Variants in CFAP69 observed in about 807,000 individuals in gnomAD.
CFAP69 encodes cilia- and flagella-associated protein 69.
CFAP69 carries 92 observed loss-of-function variants against 123.0 expected under a neutral mutation model. The ratio of observed to expected loss-of-function variants is 0.75; its 90% confidence interval spans 0.63 to 0.89. The LOEUF (loss-of-function observed/expected upper bound fraction) is 0.89, where lower values mean the gene tolerates loss of function less well. Among genes scored for constraint, CFAP69 ranks in the 40% least tolerant of loss-of-function variants. The pLI, the probability that CFAP69 is intolerant of heterozygous loss-of-function variation, is 0.00. For missense variants in CFAP69, 1,067 were observed against 1,096.9 expected (o/e 0.97, Z 0.39); for synonymous variants, 380 against 364.3 (o/e 1.04, Z -0.49).
At chr7:90,257,956 C>A in intron 2 of CFAP69, 142 bp from the exon 3 acceptor site, 50 of 560,890 alleles carry the variant, frequency 8.9e-5, no homozygotes, top group Middle Eastern at 4.9e-4. Context: ...TTTCAGAAAA[C>A]ATTTTATAAC....
intron 9 of CFAP69, among the ~76,000 whole-genome samples, chr7:90,276,424 G>A (rs1001214745): frequency 2.0e-5 from 3 of 152,128 alleles, no homozygotes; most frequent in Admixed American, 1.3e-4. Context: ...AGCATCTAAA[G>A]AAACCATATA....
rs1327568862 is a variant in CFAP69 at position 90,300,068 on chromosome 7, A to G, written c.2050+9A>G. ...AAATGGGAAGATCATTGGTGAGTAT[A>G]TTTATAATTGTTAGTAGAAGCAATT... On this transcript the variant is annotated intron_variant, in intron 17 of 22. Coordinates refer to ENST00000389297, the MANE Select transcript of CFAP69 (RefSeq NM_001039706.3). 1.3e-6 allele frequency: 2 copies of G among 1,541,176 alleles called. No individual in the cohort carries two copies. Among genetic ancestry groups the G allele is most frequent in the African/African-American group, 1.4e-5 (1 of 71,544 alleles).
chr7:90,277,305 A>T lies in CFAP69; in HGVS notation c.1126A>T (p.Ile376Phe). Residue 376 changes from isoleucine to phenylalanine, a missense_variant, in exon 11 of 23, where the codon ATC becomes TTC. By Grantham distance (21) the Ile-to-Phe change is conservative (BLOSUM62 0). Transcript: ENST00000389297. ...GAAATTACTATTCAACGTAATTGTG[A>T]TCTTATGTAAAGATTTACCTACTGT... ...LKKLLFNVIVILCKDLPTVQL... is the reference protein window; with the variant it reads ...LKKLLFNVIVFLCKDLPTVQL... 1 of 1,579,282 alleles carries T rather than the reference A, an allele frequency of 6.3e-7. No homozygotes were observed. The highest frequency in any genetic ancestry group is 8.6e-7 in the Non-Finnish European group (1 of 1,165,720).
At chr7:90,259,805 A>G (rs992596374) in intron 3 of CFAP69, among the ~76,000 whole-genome samples, 1 of 152,032 alleles carries the variant, frequency 6.6e-6, no homozygotes, top group South Asian at 2.1e-4. Context: ...TAACATTTAC[A>G]TATATATGCT....
At chr7:90,259,746 A>G (rs547736337) in intron 3 of CFAP69, among the ~76,000 whole-genome samples, 2 of 152,228 alleles carry the variant, frequency 1.3e-5, no homozygotes, top group East Asian at 1.9e-4. Flanking sequence ...TCGGCCTCCC[A>G]AAGTGCTGGG....
At chr7:90,308,751 C>A (rs887238668) in intron 21 of CFAP69, among the ~76,000 whole-genome samples, 2 of 152,088 alleles carry the variant, frequency 1.3e-5, no homozygotes, top group Admixed American at 6.5e-5. Flanking sequence ...TCCTGCAGGT[C>A]ATTTATTACT....
chr7:90,265,315 A>G lies in CFAP69; in HGVS notation c.371A>G (p.Lys124Arg), dbSNP rs375428353. ...TCTTATTGAAGCTTGCCATTTTTGA[A>G]AAAGAAAGTGTCGGATGAAATAACT... Reference protein sequence around the residue: ...IIKLCGLPFLKKKVSDEITYA... With the variant: ...IIKLCGLPFLRKKVSDEITYA... Residue 124 changes from lysine to arginine, a missense_variant, in exon 5 of 23, where the codon AAA becomes AGA. By Grantham distance (26) the Lys-to-Arg change is conservative. Coordinates refer to ENST00000389297, the MANE Select transcript of CFAP69 (RefSeq NM_001039706.3). 2.7e-5 allele frequency: 43 copies of G among 1,610,076 alleles called. No individual in the cohort carries two copies. The highest frequency in any genetic ancestry group is 3.6e-5 in the Non-Finnish European group (42 of 1,177,646).
At chr7:90,289,553 A>G (rs757216043) in intron 15 of CFAP69, among the ~76,000 whole-genome samples, 13 of 152,076 alleles carry the variant, frequency 8.5e-5, no homozygotes, top group Non-Finnish European at 1.6e-4. Context: ...TTTGTCAAAT[A>G]TATTCTGCCA....
chr7:90,266,729 T>C (rs1307982074), intron 5 of CFAP69, among the ~76,000 whole-genome samples: 2 of 152,168 alleles, frequency 1.3e-5, no homozygotes, highest in Non-Finnish European at 2.9e-5. Flanking sequence ...AGTACTGCTC[T>C]TCTGTTTCTT....
chr7:90,304,946 G>T, intron 19 of CFAP69, 126 bp downstream of exon 19: 1 of 698,634 alleles, frequency 1.4e-6, no homozygotes, highest in Non-Finnish European at 2.2e-6. Flanking sequence ...TTTTCATTTT[G>T]CATCTGATGC....
intron 1 of CFAP69, 41 bp from the exon 2 acceptor site, chr7:90,255,382 T>C (rs1179118234): frequency 1.3e-6 from 2 of 1,493,580 alleles, no homozygotes; most frequent in Non-Finnish European, 1.9e-6. Context: ...CTTATTGATA[T>C]AGAAGATGAT....
intron 20 of CFAP69, 28 bp from the exon 21 acceptor site, chr7:90,307,740 T>G (rs752146491): frequency 2.7e-6 from 4 of 1,483,494 alleles, no homozygotes; most frequent in Non-Finnish European, 3.7e-6. Context: ...AAAAAGAAAC[T>G]GAAACTTAAT....
At chr7:90,300,644 CT>C (rs988514800) in intron 17 of CFAP69, 29 of 81,206 alleles carry the variant, frequency 3.6e-4, no homozygotes, top group Non-Finnish European at 5.6e-4. Context: ...ACATTTTTTT[CT>C]TTTTTTTTTC....
Position 90,268,342 on chromosome 7 carries a change from G to A in CFAP69, c.490G>A (p.Val164Ile), listed in dbSNP as rs776348740. The change falls in exon 6 of 23, where the codon GTT becomes ATT. Residue 164 changes from valine (V) to isoleucine (I), a missense_variant. Transcript: ENST00000389297. ...GAGGATACAAATTTGTAAGTGTATT[G>A]TTGATTTTTATCATGCAGAACCACC... ...ELRIQICKCI[V>I]DFYHAEPPKK... 33 of 1,610,332 alleles carry A rather than the reference G, an allele frequency of 2.0e-5. No individual in the cohort carries two copies. In the Middle Eastern group the frequency reaches 6.6e-4, roughly 32 times the overall value.
At chr7:90,292,330 G>A (rs1304953125) in intron 15 of CFAP69, among the ~76,000 whole-genome samples, 1 of 152,162 alleles carries the variant, frequency 6.6e-6, no homozygotes, top group African/African-American at 2.4e-5. Context: ...CTGTCAGAAA[G>A]TGACATTCTT....
chr7:90,303,042 T>C (rs1409125449), intron 17 of CFAP69: 1 of 152,178 alleles, frequency 6.6e-6, no homozygotes, highest in Non-Finnish European at 1.5e-5. Context: ...GCTCCCTGGT[T>C]AGCTGTATTC....
At chr7:90,263,873 G>A (rs973750230) in intron 4 of CFAP69, among the ~76,000 whole-genome samples, 1 of 151,620 alleles carries the variant, frequency 6.6e-6, no homozygotes, top group Non-Finnish European at 1.5e-5. Context: ...GGCAGATCAC[G>A]AGGTCAGGAG....
the CFAP69 span, among the ~76,000 whole-genome samples, chr7:90,320,032 C>T: frequency 6.6e-6 from 1 of 152,116 alleles, no homozygotes; most frequent in Admixed American, 6.5e-5. Context: ...TGGCAGAAAC[C>T]CTAAAGAGCT....
intron 13 of CFAP69, 30 bp from the exon 14 acceptor site, chr7:90,286,251 C>T: frequency 1.3e-6 from 2 of 1,555,264 alleles, no homozygotes; most frequent in Non-Finnish European, 1.7e-6. Flanking sequence ...TGTCCAATAA[C>T]TATACAGTCT....
Sources: allele counts gnomAD v4.1 joint callset (sites outside exome capture counted in the v4.1 genomes callset), GRCh38; gene constraint gnomAD v4.1.1; transcripts MANE v1.5; gene names NCBI Gene and HGNC (gene_info 2026-07-23, HGNC 2026-07-21).